Variants in GRP observed in about 807,000 individuals in gnomAD.
GRP encodes the protein gastrin releasing peptide.
Under a neutral mutation model 12.7 loss-of-function variants are expected in GRP, and 11 were observed. The ratio of observed to expected loss-of-function variants is 0.87; its 90% confidence interval spans 0.55 to 1.44. The LOEUF (loss-of-function observed/expected upper bound fraction) is 1.44, where lower values mean the gene tolerates loss of function less well. GRP is among the 40% of genes most tolerant of loss of function. The pLI is 0.00. For missense variants in GRP, 212 were observed against 185.4 expected (o/e 1.14, Z -0.83); for synonymous variants, 84 against 77.7 (o/e 1.08, Z -0.43).
Position 59,220,189 on chromosome 18 carries a change from C to A in GRP, c.-77C>A. The A allele has an allele frequency of 8.2e-7, 1 of 1,216,748 alleles. No homozygotes were observed. The highest frequency in any genetic ancestry group is 1.1e-6 in the Non-Finnish European group (1 of 932,502). The allele number at this position is 1,216,748 out of a possible 1,614,324, so 75.4% of individuals were successfully genotyped here. On this transcript the variant is annotated 5_prime_UTR_variant, in exon 1 of 3. Coordinates refer to ENST00000256857, the MANE Select transcript of GRP (RefSeq NM_002091.5). ...AGCACCAGCGGCTGCGGCGGCGGAG[C>A]TCCTCCGAGGTCCGGGTCACCAGTC...
rs551448689 is a variant in GRP, at chr18:59,224,685, T to C, written c.140-807T>C. On this transcript the variant is annotated intron_variant, in intron 1 of 2. Coordinates refer to ENST00000256857, the MANE Select transcript of GRP (RefSeq NM_002091.5). ...TGACTCCAAGTTATCCTCTCTTGCA[T>C]ACATAAATTTTCATGTTTTTGATGG... 3.9e-5 allele frequency among the ~76,000 whole-genome samples: 6 copies of C among 152,366 alleles called. No homozygotes were observed. The South Asian group carries it at 8.3e-4, about 21-fold the overall frequency.
Position 59,227,045 on chromosome 18 carries a change from CTTTCTTTCTTCCTTTCTTTCT to C in GRP, c.382+1320_382+1340del, listed in dbSNP as rs1302632762. Among the ~76,000 whole-genome samples, 685 of 122,626 alleles carry C rather than the reference CTTTCTTTCTTCCTTTCTTTCT, an allele frequency of 5.6e-3. 4 individuals are homozygous for C. Among genetic ancestry groups the C allele is most frequent in the African/African-American group, 0.012 (379 of 30,836 alleles). The allele number at this position is 122,626 out of a possible 152,430, so 80.4% of individuals were successfully genotyped here. On this transcript the variant is annotated intron_variant, in intron 2 of 2. Coordinates refer to ENST00000256857, the MANE Select transcript of GRP (RefSeq NM_002091.5). ...TCTTTCTTTCTTTCTTTCTTTCTTT[CTTTCTTTCTTCCTTTCTTTCT>C]TTTCTTTCCTTTCTCTCTTGCTCTC...
At chr18:59,227,935 G>C (rs570634757) in intron 2 of GRP, among the ~76,000 whole-genome samples, 5 of 152,242 alleles carry the variant, frequency 3.3e-5, no homozygotes, top group African/African-American at 1.2e-4. Context: ...CTGCTTAAAG[G>C]GGGCAGTCCT....
In GRP at chr18:59,230,394, A is replaced by G. The variant is rs369457783; in HGVS notation, c.383-10A>G. 5.1e-5 allele frequency: 77 copies of G among 1,507,604 alleles called. No homozygotes were observed. Among genetic ancestry groups the G allele is most frequent in the Middle Eastern group, 1.7e-4 (1 of 5,894 alleles). 93.4% of individuals were successfully genotyped at this position (1,507,604 alleles called of 1,614,324 possible). On this transcript the variant is annotated splice_polypyrimidine_tract_variant and intron_variant, in intron 2 of 2. Transcript: ENST00000256857. ...CTCTGTTTGCTGAACTCTTTCTAAT[A>G]TTTCTTAAGTTGGTAGACTCTCTGC...
chr18:59,222,814 A>C lies in GRP; in HGVS notation c.139+2410A>C, dbSNP rs188433742. Among the ~76,000 whole-genome samples the C allele has an allele frequency of 8.5e-5, 13 of 152,368 alleles. No individual in the cohort carries two copies. The East Asian group carries it at 2.5e-3, about 29-fold the overall frequency. ...AGGTTAACAGCTTGAAAACTTAACAAATTTTTATCTGGCTTGATGTTCGTG... is the reference window on the plus strand; with the variant it reads ...AGGTTAACAGCTTGAAAACTTAACACATTTTTATCTGGCTTGATGTTCGTG... On this transcript the variant is annotated intron_variant, in intron 1 of 2. Coordinates refer to ENST00000256857, the MANE Select transcript of GRP (RefSeq NM_002091.5).
chr18:59,223,112 T>G (rs2069861553), intron 1 of GRP, among the ~76,000 whole-genome samples: 1 of 152,258 alleles, frequency 6.6e-6, no homozygotes, highest in African/African-American at 2.4e-5. Flanking sequence ...GTTTCAAACC[T>G]TCCCTTTAGT....
At chr18:59,225,427 T>C in intron 1 of GRP, 65 bp from the exon 2 acceptor site, 1 of 1,478,692 alleles carries the variant, frequency 6.8e-7, no homozygotes, top group South Asian at 1.3e-5. Flanking sequence ...TTCTTTTAAA[T>C]TTCTCATTCA....
upstream of GRP, chr18:59,220,113 C>T: frequency 2.8e-6 from 1 of 359,218 alleles, no homozygotes; most frequent in Non-Finnish European, 5.0e-6. Context: ...CCCCAGCCCC[C>T]CCGCCCGGGC....
chr18:59,226,989 CTTCCTTTCTTT>C, intron 2 of GRP, among the ~76,000 whole-genome samples: 2 of 125,598 alleles, frequency 1.6e-5, no homozygotes, highest in African/African-American at 7.1e-5. Flanking sequence ...GGTTTCTTTT[CTTCCTTTCTTT>C]CTTTCTTTCT....
chr18:59,222,575 A>G (rs2069851936), intron 1 of GRP, among the ~76,000 whole-genome samples: 1 of 152,240 alleles, frequency 6.6e-6, no homozygotes, highest in African/African-American at 2.4e-5. Flanking sequence ...AGCATTGACA[A>G]GGATGAATGA....
intron 1 of GRP, among the ~76,000 whole-genome samples, chr18:59,222,231 C>T (rs778810355): frequency 1.3e-5 from 2 of 152,254 alleles, no homozygotes; most frequent in African/African-American, 2.4e-5. Context: ...GGAGTGGCAT[C>T]GTGTTATTTC....
At position 59,226,263 on chromosome 18, in the gene GRP, T is replaced by C. The variant is rs569001084; in HGVS notation, c.382+529T>C. ...ATGTCTGAGATCAACAAATCCATCC[T>C]GTATATGATTTTATAGAGGATAGGG... On this transcript the variant is annotated intron_variant, in intron 2 of 2. Coordinates refer to ENST00000256857, the MANE Select transcript of GRP (RefSeq NM_002091.5). Among the ~76,000 whole-genome samples, 4 of 152,318 alleles carry C rather than the reference T, an allele frequency of 2.6e-5. No individual in the cohort carries two copies. The South Asian group carries it at 8.3e-4, about 32-fold the overall frequency.
rs1196835897 is a variant in GRP at position 59,230,546 on chromosome 18, TCAA to T, written c.*82_*84del. 2.9e-5 allele frequency: 24 copies of T among 815,190 alleles called. No homozygotes were observed. Among genetic ancestry groups the T allele is most frequent in the Middle Eastern group, 4.5e-4 (2 of 4,470 alleles). 50.5% of individuals were successfully genotyped at this position (815,190 alleles called of 1,614,324 possible). ...CTGCAAGCATCAGTTCTACGGATCA[TCAA>T]CAAGATTTCCTTGTGCAAAATATTT... On this transcript the variant is annotated 3_prime_UTR_variant, in exon 3 of 3. Transcript: ENST00000256857.
At chr18:59,220,120 G>GC, upstream of GRP, 1 of 202,076 alleles carries the variant, frequency 4.9e-6, no homozygotes, top group African/African-American at 2.5e-5. Context: ...CCCCCCGCCC[G>GC]GGCTTCCATA....
intron 1 of GRP, among the ~76,000 whole-genome samples, chr18:59,221,863 T>G (rs2069841170): frequency 6.6e-6 from 1 of 152,104 alleles, no homozygotes; most frequent in African/African-American, 2.4e-5. Context: ...TGCCAAGTCT[T>G]GACAGTTCCA....
At chr18:59,228,919 T>G (rs965836353) in intron 2 of GRP, among the ~76,000 whole-genome samples, 3 of 152,194 alleles carry the variant, frequency 2.0e-5, no homozygotes, top group Non-Finnish European at 4.4e-5. Flanking sequence ...CTTTGCAGCT[T>G]AGGTCTCTCC....
At position 59,225,671 on chromosome 18, in the gene GRP, C is replaced by CAGCA. The variant is rs767572673; in HGVS notation, c.320_323dup (p.Pro109AlafsTer9). 5.6e-6 allele frequency: 9 copies of CAGCA among 1,613,940 alleles called. No homozygotes were observed. The highest frequency in any genetic ancestry group is 7.6e-6 in the Non-Finnish European group (9 of 1,179,942). On this transcript the variant is annotated frameshift_variant, in exon 2 of 3. Coordinates refer to ENST00000256857, the MANE Select transcript of GRP (RefSeq NM_002091.5). LOFTEE classifies it high-confidence loss of function. Reference sequence around the variant, plus strand: ...ACCTCAACCCAAGGCCCTGGGCAATCAGCAGCCTTCGTGGGATTCAGAGGA... The same window carrying CAGCA: ...ACCTCAACCCAAGGCCCTGGGCAATCAGCAAGCAGCCTTCGTGGGATTCAGAGGA...
chr18:59,226,818 G>T (rs2069928738), intron 2 of GRP, among the ~76,000 whole-genome samples: 1 of 152,222 alleles, frequency 6.6e-6, no homozygotes, highest in African/African-American at 2.4e-5. Context: ...GGTGAAGACT[G>T]ATGGCCCCTT....
chr18:59,230,252 G>C, intron 2 of GRP, 152 bp from the exon 3 acceptor site: 1 of 582,982 alleles, frequency 1.7e-6, no homozygotes, highest in Admixed American at 2.9e-5. Flanking sequence ...TCCGCCCCCA[G>C]AGTTTCTGAT....
Sources: gnomAD v4.1 joint callset for allele counts (sites outside exome capture counted in the v4.1 genomes callset) on GRCh38, gnomAD v4.1.1 for gene constraint, MANE v1.5 for transcripts, NCBI Gene and HGNC (gene_info 2026-07-23, HGNC 2026-07-21) for gene names.